The following DRC5 variants were observed in gnomAD, a reference collection of about 807,000 sequenced individuals.
DRC5 encodes dynein regulatory complex subunit 5.
chr6:44,284,948 C>T, the DRC5 span, among the ~76,000 whole-genome samples: 1 of 152,170 alleles, frequency 6.6e-6, no homozygotes, highest in African/African-American at 2.4e-5. Context: ...TTGCCTAAAA[C>T]CCTTGGATGG....
At chr6:44,288,963 C>T in the DRC5 span, among the ~76,000 whole-genome samples, 12 of 117,426 alleles carry the variant, frequency 1.0e-4, no homozygotes, top group Non-Finnish European at 1.8e-4. Flanking sequence ...TACTGCCCTC[C>T]AGCCTGGGTG....
At chr6:44,282,378 T>C in the DRC5 span, 1 of 1,614,192 alleles carries the variant, frequency 6.2e-7, no homozygotes, top group South Asian at 1.1e-5. Flanking sequence ...CACCTGGTTG[T>C]TAGCCAGGTT....
the DRC5 span, chr6:44,287,196 T>C: frequency 1.0e-6 from 1 of 985,226 alleles, no homozygotes; most frequent in Admixed American, 6.2e-5. Context: ...TTACATGGCA[T>C]GGAAGACTCC....
chr6:44,282,280 C>T, the DRC5 span: 133 of 1,614,212 alleles, frequency 8.2e-5, 1 homozygote, highest in South Asian at 1.3e-3. Context: ...CCACCCTCAT[C>T]CTCGATGCAG....
At chr6:44,280,282 C>T in the DRC5 span, 2 of 1,614,212 alleles carry the variant, frequency 1.2e-6, no homozygotes, top group Non-Finnish European at 1.7e-6. Flanking sequence ...GCGTAGAGGG[C>T]CTGGCCAATG....
chr6:44,287,708 G>C, the DRC5 span: 2 of 1,614,246 alleles, frequency 1.2e-6, no homozygotes, highest in Non-Finnish European at 1.7e-6. Context: ...GTGATTGAAG[G>C]CTTTGAGAGC....
the DRC5 span, among the ~76,000 whole-genome samples, chr6:44,297,307 G>A: frequency 6.6e-6 from 1 of 152,190 alleles, no homozygotes; most frequent in Non-Finnish European, 1.5e-5. Context: ...AGGGCCCCAG[G>A]GCTTGGGACC....
chr6:44,280,100 C>T, the DRC5 span: 40 of 1,294,278 alleles, frequency 3.1e-5, no homozygotes, highest in Non-Finnish European at 4.3e-5. Flanking sequence ...TCCCTCTGAA[C>T]CAGTGTGATA....
the DRC5 span, among the ~76,000 whole-genome samples, chr6:44,285,130 G>A: frequency 1.3e-5 from 2 of 152,112 alleles, no homozygotes; most frequent in Admixed American, 6.5e-5. Flanking sequence ...TGTCTGGAAC[G>A]CTCCTCCCTC....
chr6:44,286,823 G>T, the DRC5 span, among the ~76,000 whole-genome samples: 1 of 152,208 alleles, frequency 6.6e-6, no homozygotes, highest in African/African-American at 2.4e-5. Context: ...TCTGATGGGG[G>T]ATACAATCCC....
At chr6:44,278,741 T>C in the DRC5 span, 1 of 152,374 alleles carries the variant, frequency 6.6e-6, no homozygotes, top group South Asian at 2.1e-4. Flanking sequence ...TTCTTTGGTC[T>C]ATTTTCTTGG....
At chr6:44,282,087 C>T in the DRC5 span, 1 of 1,599,620 alleles carries the variant, frequency 6.3e-7, no homozygotes, top group Non-Finnish European at 8.6e-7. Context: ...CCCACCCTCA[C>T]AAGCCCAGAA....
the DRC5 span, among the ~76,000 whole-genome samples, chr6:44,285,197 G>C: frequency 1.3e-5 from 2 of 152,138 alleles, no homozygotes; most frequent in Non-Finnish European, 2.9e-5. Flanking sequence ...ATTTGTTCAG[G>C]GAAGCCTTCC....
the DRC5 span, chr6:44,286,390 G>A: frequency 5.6e-6 from 9 of 1,614,124 alleles, no homozygotes; most frequent in Non-Finnish European, 5.9e-6. Flanking sequence ...CGTGGCACAC[G>A]GGCCAGCGAT....
At chr6:44,286,027 G>A in the DRC5 span, 13 of 1,614,066 alleles carry the variant, frequency 8.1e-6, no homozygotes, top group Non-Finnish European at 1.1e-5. Context: ...AGGTGAAGAG[G>A]AAGAGATTCC....
the DRC5 span, chr6:44,282,486 G>A: frequency 1.3e-5 from 21 of 1,610,352 alleles, no homozygotes; most frequent in Non-Finnish European, 1.8e-5. Context: ...CTCGAGGACT[G>A]GGTGGTCCAG....
chr6:44,280,370 C>G, the DRC5 span: 2 of 1,613,326 alleles, frequency 1.2e-6, no homozygotes, highest in African/African-American at 2.7e-5. Flanking sequence ...ACATGCCTTC[C>G]AGGAGCTGCT....
At chr6:44,287,673 G>A in the DRC5 span, 10 of 1,614,254 alleles carry the variant, frequency 6.2e-6, no homozygotes, top group Non-Finnish European at 7.6e-6. Flanking sequence ...TGGGATGTGG[G>A]TTCCTGGACT....
the DRC5 span, among the ~76,000 whole-genome samples, chr6:44,294,437 A>G: frequency 1.7e-3 from 264 of 152,276 alleles, 1 homozygote; most frequent in African/African-American, 6.0e-3. Flanking sequence ...AGATACAAAA[A>G]GCAAAGTTAG....
Sources: allele counts gnomAD v4.1 joint callset (sites outside exome capture counted in the v4.1 genomes callset), GRCh38; gene constraint gnomAD v4.1.1; transcripts MANE v1.5; gene names NCBI Gene and HGNC (gene_info 2026-07-23, HGNC 2026-07-21).